RLN2: variants seen among roughly 807,000 people sequenced by gnomAD.
RLN2 encodes relaxin 2.
A neutral mutation model predicts 7.3 loss-of-function variants in RLN2; 10 were observed. The observed-to-expected ratio is 1.36, with a 90% CI of 0.84 to 2.31. The LOEUF (loss-of-function observed/expected upper bound fraction) is 2.31, where lower values mean the gene tolerates loss of function less well. Among genes scored for constraint, RLN2 ranks in the 30% most tolerant of loss-of-function variants. The probability of loss-of-function intolerance (pLI) is 0.00; values close to 1 mark genes in which losing one functional copy is unlikely to be tolerated. For missense variants in RLN2, 298 were observed against 217.6 expected (o/e 1.37, Z -2.32); for synonymous variants, 103 against 82.3 (o/e 1.25, Z -1.36).
chr9:5,301,822 T>C (rs1408351896), intron 1 of RLN2, among the ~76,000 whole-genome samples: 2 of 151,918 alleles, frequency 1.3e-5, no homozygotes, highest in African/African-American at 4.8e-5. Flanking sequence ...CAATTGGAGT[T>C]TGACAGAGGA....
the RLN2 span, among the ~76,000 whole-genome samples, chr9:5,332,059 G>C: frequency 4.6e-5 from 7 of 151,636 alleles, no homozygotes; most frequent in Non-Finnish European, 1.0e-4. Flanking sequence ...ATAAGAGATA[G>C]GATAAAAAAT....
the RLN2 span, among the ~76,000 whole-genome samples, chr9:5,332,936 T>G: frequency 9.2e-5 from 14 of 152,090 alleles, 1 homozygote; most frequent in South Asian, 2.7e-3. Flanking sequence ...ATTCTTAATG[T>G]TGTACACTTT....
At chr9:5,332,594 A>G in the RLN2 span, among the ~76,000 whole-genome samples, 1 of 150,522 alleles carries the variant, frequency 6.6e-6, no homozygotes. Context: ...TTTGTTATGG[A>G]GCAAGTTGAG....
the RLN2 span, among the ~76,000 whole-genome samples, chr9:5,335,887 T>G: frequency 6.6e-6 from 1 of 152,026 alleles, no homozygotes; most frequent in Non-Finnish European, 1.5e-5. Context: ...TCCCTGACAT[T>G]ACTCTGTCAT....
the RLN2 span, among the ~76,000 whole-genome samples, chr9:5,330,860 T>C: frequency 7.8e-4 from 116 of 149,294 alleles, 2 homozygotes; most frequent in Admixed American, 5.0e-3. Context: ...GCAACACTAA[T>C]TAAGAAGAAA....
At chr9:5,335,491 T>C in the RLN2 span, 8 of 1,613,198 alleles carry the variant, frequency 5.0e-6, 1 homozygote, top group South Asian at 2.2e-5. Context: ...GTAATGATGG[T>C]TGCCTCTCAG....
chr9:5,334,240 G>T, the RLN2 span, among the ~76,000 whole-genome samples: 1 of 152,060 alleles, frequency 6.6e-6, no homozygotes, highest in African/African-American at 2.4e-5. Flanking sequence ...TTTGTTTGCA[G>T]ATGACATGGT....
At chr9:5,302,530 G>C (rs957628695) in intron 1 of RLN2, among the ~76,000 whole-genome samples, 1 of 152,098 alleles carries the variant, frequency 6.6e-6, no homozygotes, top group Non-Finnish European at 1.5e-5. Flanking sequence ...GTAAACATTT[G>C]TCTTAATCTC....
At chr9:5,319,993 T>A in the RLN2 span, among the ~76,000 whole-genome samples, 3 of 151,904 alleles carry the variant, frequency 2.0e-5, no homozygotes, top group African/African-American at 7.3e-5. Context: ...AACACTTTTT[T>A]TTTTTTTTTT....
chr9:5,299,983 T>C lies in RLN2; in HGVS notation c.*115A>G, dbSNP rs1191366479. ...TTCTAAGAATTGATGGGACCTAATATCTAACAAAGATTCTTAGATATTCTA... is the reference window on the plus strand; with the variant it reads ...TTCTAAGAATTGATGGGACCTAATACCTAACAAAGATTCTTAGATATTCTA... On this transcript the variant is annotated 3_prime_UTR_variant, in exon 2 of 2. Transcript: ENST00000381627. The C allele has an allele frequency of 4.9e-6, 3 of 615,342 alleles. No homozygotes were observed. Among genetic ancestry groups the C allele is most frequent in the Non-Finnish European group, 8.2e-6 (3 of 365,794 alleles). 38.1% of individuals were successfully genotyped at this position (615,342 alleles called of 1,614,324 possible).
chr9:5,333,438 T>A, the RLN2 span, among the ~76,000 whole-genome samples: 1 of 151,970 alleles, frequency 6.6e-6, no homozygotes, highest in African/African-American at 2.4e-5. Flanking sequence ...ATGGGTACAT[T>A]CCTGGACACA....
At chr9:5,327,366 T>C in the RLN2 span, among the ~76,000 whole-genome samples, 1 of 152,002 alleles carries the variant, frequency 6.6e-6, no homozygotes, top group Non-Finnish European at 1.5e-5. Flanking sequence ...TTGCTGAGGC[T>C]TGAGTAGCTC....
chr9:5,311,475 A>G, the RLN2 span: 1 of 656,740 alleles, frequency 1.5e-6, no homozygotes, highest in Non-Finnish European at 2.7e-6. Context: ...AGGGGATGTT[A>G]AAGGAGATAA....
intron 1 of RLN2, among the ~76,000 whole-genome samples, chr9:5,302,530 G>A (rs957628695): frequency 3.3e-5 from 5 of 152,084 alleles, no homozygotes; most frequent in African/African-American, 1.2e-4. Flanking sequence ...GTAAACATTT[G>A]TCTTAATCTC....
the RLN2 span, among the ~76,000 whole-genome samples, chr9:5,310,375 C>T: frequency 6.6e-6 from 1 of 151,958 alleles, no homozygotes; most frequent in Admixed American, 6.6e-5. Context: ...CCCTTCCTCC[C>T]TGTACCTCTC....
the RLN2 span, among the ~76,000 whole-genome samples, chr9:5,315,323 G>C: frequency 2.7e-5 from 4 of 150,350 alleles, no homozygotes. Flanking sequence ...AAATACAATA[G>C]AAAGCTTCAA....
intron 1 of RLN2, among the ~76,000 whole-genome samples, chr9:5,301,369 T>C (rs1484304660): frequency 1.3e-5 from 2 of 152,200 alleles, no homozygotes; most frequent in African/African-American, 4.8e-5. Flanking sequence ...ATTCATTACC[T>C]GTTTCCATGT....
At chr9:5,335,549 A>G in the RLN2 span, 16 of 1,612,016 alleles carry the variant, frequency 9.9e-6, no homozygotes, top group Admixed American at 3.3e-5. Context: ...GAATTCCAAC[A>G]TGATAATTAT....
the RLN2 span, chr9:5,311,560 C>G: frequency 5.2e-6 from 4 of 766,786 alleles, no homozygotes; most frequent in East Asian, 7.4e-5. Context: ...AGCCAGAGCT[C>G]AAGCCTAAAA....
Sources: allele counts gnomAD v4.1 joint callset (sites outside exome capture counted in the v4.1 genomes callset), GRCh38; gene constraint gnomAD v4.1.1; transcripts MANE v1.5; gene names NCBI Gene and HGNC (gene_info 2026-07-23, HGNC 2026-07-21).